The following SPTBN1 variants were observed in gnomAD, a reference collection of about 807,000 sequenced individuals.
SPTBN1 encodes the protein spectrin beta chain, non-erythrocytic 1.
SPTBN1 carries 32 observed loss-of-function variants against 266.4 expected under a neutral mutation model. The ratio of observed to expected loss-of-function variants is 0.12; its 90% CI spans 0.09 to 0.16. The LOEUF is 0.16. SPTBN1 is among the 10% of genes least tolerant of loss of function. SPTBN1 has a pLI of 1.00. For missense variants in SPTBN1, 2,296 were observed against 3,067.1 expected (o/e 0.75, Z 5.94); for synonymous variants, 1,336 against 1,162.2 (o/e 1.15, Z -3.04).
At chr2:54,547,533 C>T (rs1573386771) in intron 2 of SPTBN1, among the ~76,000 whole-genome samples, 1 of 152,182 alleles carries the variant, frequency 6.6e-6, no homozygotes, top group Non-Finnish European at 1.5e-5. Context: ...GCAGAACCTC[C>T]ATACTATTTC....
intron 2 of SPTBN1, among the ~76,000 whole-genome samples, chr2:54,531,746 A>G (rs958417166): frequency 1.3e-5 from 2 of 152,012 alleles, no homozygotes; most frequent in Non-Finnish European, 2.9e-5. Flanking sequence ...GCTGCTTGAA[A>G]ATCAGTCTGA....
rs1014030917 is a variant in SPTBN1 at position 54,653,957 on chromosome 2, G to A, written c.5822+104G>A. 5.3e-6 allele frequency: 8 copies of A among 1,511,092 alleles called. No homozygotes were observed. Among genetic ancestry groups the A allele is most frequent in the South Asian group, 1.3e-5 (1 of 76,996 alleles). 93.6% of individuals were successfully genotyped at this position (1,511,092 alleles called of 1,614,324 possible). Reference sequence around the variant, plus strand: ...GCCTTGAAAGCGTTCCTGCCTGAGCGCTTCAAGGCCAGAGTGGGGGTGGGG... The same window carrying A: ...GCCTTGAAAGCGTTCCTGCCTGAGCACTTCAAGGCCAGAGTGGGGGTGGGG... On this transcript the variant is annotated intron_variant, in intron 27 of 35. Transcript: ENST00000356805. This position sits in a 1 kb window ranked among gnomAD's most constrained non-coding sequence, Gnocchi z 5.1.
intron 1 of SPTBN1, among the ~76,000 whole-genome samples, chr2:54,462,131 A>G (rs560953265): frequency 1.3e-5 from 2 of 152,324 alleles, no homozygotes; most frequent in African/African-American, 4.8e-5. Context: ...AATCAAAATA[A>G]TATTAGTTTC....
chr2:54,511,721 A>G (rs1441784736), intron 1 of SPTBN1, among the ~76,000 whole-genome samples: 2 of 151,970 alleles, frequency 1.3e-5, no homozygotes, highest in African/African-American at 4.8e-5. Flanking sequence ...AAAATTAGCC[A>G]GGTGTGGTGG....
intron 19 of SPTBN1, among the ~76,000 whole-genome samples, chr2:54,643,814 T>G (rs528752728): frequency 3.4e-4 from 52 of 152,078 alleles, no homozygotes; most frequent in Non-Finnish European, 6.2e-4. Context: ...TGAAACCCCA[T>G]CTCTATGAAG....
intron 1 of SPTBN1, among the ~76,000 whole-genome samples, chr2:54,493,611 C>T (rs759792528): frequency 1.1e-4 from 17 of 151,874 alleles, no homozygotes; most frequent in Non-Finnish European, 1.9e-4. Flanking sequence ...CATGTTGGCC[C>T]GGCTAGTCTT....
chr2:54,527,964 G>C (rs976998693), intron 2 of SPTBN1: 1 of 152,272 alleles, frequency 6.6e-6, no homozygotes, highest in South Asian at 2.1e-4. Flanking sequence ...TGGATGTTGG[G>C]GGTACAGCTA....
At chr2:54,631,653 G>T (rs768757738) in intron 16 of SPTBN1, 42 bp downstream of exon 16, 25 of 1,571,810 alleles carry the variant, frequency 1.6e-5, no homozygotes, top group Non-Finnish European at 2.1e-5. Context: ...GGTGAAAGCA[G>T]CCCTGGCTGC....
At chr2:54,591,991 G>T (rs888088473) in intron 2 of SPTBN1, among the ~76,000 whole-genome samples, 6 of 152,030 alleles carry the variant, frequency 3.9e-5, no homozygotes, top group African/African-American at 1.5e-4. Context: ...AATCTAATGA[G>T]ACCCTATTTC....
chr2:54,485,928 G>A (rs1668351748), intron 1 of SPTBN1, among the ~76,000 whole-genome samples: 1 of 150,552 alleles, frequency 6.6e-6, no homozygotes, highest in African/African-American at 2.5e-5. Flanking sequence ...CGCCCCGTCT[G>A]AGAAGTGAGG....
intron 34 of SPTBN1, among the ~76,000 whole-genome samples, 197 bp from the exon 35 acceptor site, chr2:54,667,407 G>A (rs554128953): frequency 3.9e-5 from 6 of 152,222 alleles, no homozygotes; most frequent in African/African-American, 7.2e-5. Flanking sequence ...TCATTGGCGC[G>A]ATTATATGGC....
chr2:54,629,448 G>A lies in SPTBN1; in HGVS notation c.2314G>A (p.Val772Met), dbSNP rs780484504. ...DILKIVSSSD[V>M]GHDEYSTQSL... is the part of the protein sequence containing the mutation. The stretch of plus-strand genomic sequence containing the variant: ...CCTCAAGATTGTCTCCAGCAGCGAC[G>A]TGGGCCACGATGAGTATTCCACACA... Residue 772 changes from valine to methionine, a missense_variant, in exon 14 of 36, where the codon GTG becomes ATG. By Grantham distance (21) the Val-to-Met change is conservative. Coordinates refer to ENST00000356805, the MANE Select transcript of SPTBN1 (RefSeq NM_003128.3). 1.7e-5 allele frequency: 27 copies of A among 1,614,140 alleles called. No homozygotes were observed. The East Asian group carries it at 2.9e-4, about 17-fold the overall frequency.
At chr2:54,641,587 G>C (rs756858447) in intron 18 of SPTBN1, among the ~76,000 whole-genome samples, 3 of 152,154 alleles carry the variant, frequency 2.0e-5, no homozygotes, top group African/African-American at 7.2e-5. Flanking sequence ...TGATGACAAA[G>C]GACTTTATGA....
rs1388292092 is a variant in SPTBN1, at chr2:54,558,879, A to G, written c.148+32313A>G. The G allele has an allele frequency of 6.2e-7, 1 of 1,613,546 alleles. No individual in the cohort carries two copies. The highest frequency in any genetic ancestry group is 1.3e-5 in the African/African-American group (1 of 75,018). On this transcript the variant is annotated intron_variant, in intron 2 of 35. Coordinates refer to ENST00000356805, the MANE Select transcript of SPTBN1 (RefSeq NM_003128.3). The surrounding 1 kb of genome is among the most constrained non-coding windows in gnomAD (Gnocchi z 4.6). ...AACCAGCTGGAAGGCAGATTCAAGC[A>G]GCTGCAAGGTAAGCCCCCTCCCAAA...
intron 2 of SPTBN1, chr2:54,557,748 G>C (rs527583612): frequency 1.0e-6 from 1 of 985,198 alleles, no homozygotes; most frequent in African/African-American, 1.7e-5. Context: ...TCATAGGCCC[G>C]TGTTATTCCA....
intron 29 of SPTBN1, among the ~76,000 whole-genome samples, chr2:54,656,466 C>T (rs562248336): frequency 6.6e-6 from 1 of 152,054 alleles, no homozygotes; most frequent in African/African-American, 2.4e-5. Flanking sequence ...GTGTTTATTC[C>T]CCAAAGTGAC....
Position 54,626,297 on chromosome 2 carries a change from C to T in SPTBN1, c.1644+63C>T. On this transcript the variant is annotated intron_variant, in intron 12 of 35. Transcript: ENST00000356805. The surrounding 1 kb of genome is among the most constrained non-coding windows in gnomAD (Gnocchi z 4.7). ...CCAACCAGGGCTCTCTTTTCTGTGA[C>T]TCATTCACTAAACCCCTACGTACAG... The T allele has an allele frequency of 6.5e-7, 1 of 1,535,044 alleles. No homozygotes were observed. The highest frequency in any genetic ancestry group is 8.8e-7 in the Non-Finnish European group (1 of 1,137,984).
rs1678732878 is a variant in SPTBN1 at position 54,631,555 on chromosome 2, G to A, written c.3508G>A (p.Ala1170Thr). 6.2e-7 allele frequency: 1 copy of A among 1,614,100 alleles called. No individual in the cohort carries two copies. Among genetic ancestry groups the A allele is most frequent in the African/African-American group, 1.3e-5 (1 of 75,070 alleles). Residue 1170 changes from alanine (A) to threonine (T), a missense_variant, in exon 16 of 36, where the codon GCC (alanine) becomes ACC (threonine). By Grantham distance (58) the Ala-to-Thr change is moderately conservative. Coordinates refer to ENST00000356805, the MANE Select transcript of SPTBN1 (RefSeq NM_003128.3). ...NRQNLLSQSH[A>T]YQQFLRDTKQ... ...ACAAAATCTCCTATCCCAGTCACAT[G>A]CCTACCAGCAGTTCCTCAGAGACAC...
intron 26 of SPTBN1, among the ~76,000 whole-genome samples, chr2:54,651,331 C>T (rs1422520010): frequency 6.6e-6 from 1 of 151,968 alleles, no homozygotes; most frequent in African/African-American, 2.4e-5. Flanking sequence ...GGAATCTCGT[C>T]CCTCGAGTCT....
Sources: gnomAD v4.1 joint callset for allele counts (sites outside exome capture counted in the v4.1 genomes callset) on GRCh38, gnomAD v4.1.1 for gene constraint, Gnocchi (gnomAD v3.1) non-coding constraint, MANE v1.5 for transcripts, NCBI Gene and HGNC (gene_info 2026-07-23, HGNC 2026-07-21) for gene names.